LRP2: variants seen among roughly 807,000 people sequenced by gnomAD.
LRP2 encodes LDL receptor related protein 2.
A neutral mutation model predicts 531.0 loss-of-function variants in LRP2; 172 were observed. The ratio of observed to expected loss-of-function variants is 0.32; its 90% CI spans 0.29 to 0.37. The LOEUF (loss-of-function observed/expected upper bound fraction) is 0.37. LRP2 is among the 10% of genes least tolerant of loss of function. The pLI, the probability that LRP2 is intolerant of heterozygous loss-of-function variation, is 1.00. For synonymous variants in LRP2, 1,992 were observed against 2,027.6 expected (o/e 0.98, Z 0.47); for missense variants, 5,167 against 5,868.3 (o/e 0.88, Z 3.90).
intron 76 of LRP2, among the ~76,000 whole-genome samples, chr2:169,135,364 G>C (rs1685462763): frequency 6.6e-6 from 1 of 152,152 alleles, no homozygotes; most frequent in African/African-American, 2.4e-5. Flanking sequence ...CTTGGTCTGG[G>C]TAGACACTTT....
At chr2:169,345,377 G>C (rs1202019394) in intron 1 of LRP2, among the ~76,000 whole-genome samples, 1 of 152,136 alleles carries the variant, frequency 6.6e-6, no homozygotes, top group African/African-American at 2.4e-5. Context: ...GTGTCATTTT[G>C]AATTACTTCA....
At chr2:169,213,589 T>C in intron 36 of LRP2, 68 bp downstream of exon 36, 2 of 1,275,472 alleles carry the variant, frequency 1.6e-6, no homozygotes, top group Non-Finnish European at 1.1e-6. Flanking sequence ...GGTGTGTGCT[T>C]ACAAATGTGA....
At chr2:169,335,530 G>T (rs890526109) in intron 1 of LRP2, among the ~76,000 whole-genome samples, 1 of 152,196 alleles carries the variant, frequency 6.6e-6, no homozygotes, top group Non-Finnish European at 1.5e-5. Context: ...CATTCAAAAA[G>T]TTTGGCCAGC....
chr2:169,199,960 A>T (rs1056619243), intron 44 of LRP2, among the ~76,000 whole-genome samples: 5 of 152,146 alleles, frequency 3.3e-5, no homozygotes, highest in African/African-American at 9.7e-5. Context: ...ATCAATAAAA[A>T]TTTTTTCTGG....
intron 42 of LRP2, among the ~76,000 whole-genome samples, chr2:169,203,655 G>C: frequency 6.6e-6 from 1 of 152,202 alleles, no homozygotes; most frequent in East Asian, 1.9e-4. Flanking sequence ...TACTAGGGAG[G>C]CTGAAGCAGG....
intron 9 of LRP2, among the ~76,000 whole-genome samples, chr2:169,285,006 G>T (rs1683814889): frequency 6.6e-6 from 1 of 152,082 alleles, no homozygotes; most frequent in South Asian, 2.1e-4. Flanking sequence ...ACTACAAGTG[G>T]TTTAAAGATT....
intron 16 of LRP2, among the ~76,000 whole-genome samples, chr2:169,260,767 G>A (rs990028137): frequency 3.3e-5 from 5 of 151,818 alleles, no homozygotes; most frequent in Non-Finnish European, 7.4e-5. Flanking sequence ...TCAAAGGCAG[G>A]AAAGGTGTGA....
At chr2:169,308,124 G>C (rs1348924596) in intron 3 of LRP2, among the ~76,000 whole-genome samples, 2 of 151,966 alleles carry the variant, frequency 1.3e-5, no homozygotes, top group African/African-American at 4.8e-5. Context: ...AGAGCTTTGG[G>C]GGAAAACGTG....
intron 34 of LRP2, among the ~76,000 whole-genome samples, chr2:169,218,441 C>T (rs1351442263): frequency 1.3e-5 from 2 of 152,082 alleles, no homozygotes; most frequent in Non-Finnish European, 2.9e-5. Flanking sequence ...TTTTTTTAGC[C>T]TCTCTTGTGG....
At chr2:169,290,268 T>G (rs1683965883) in intron 8 of LRP2, among the ~76,000 whole-genome samples, 1 of 63,534 alleles carries the variant, frequency 1.6e-5, no homozygotes, top group Admixed American at 1.5e-4. Context: ...CAGAAGCTTT[T>G]TTTTTTTTTT....
intron 3 of LRP2, among the ~76,000 whole-genome samples, chr2:169,311,338 A>T (rs971101816): frequency 3.4e-4 from 52 of 152,280 alleles, no homozygotes; most frequent in African/African-American, 1.2e-3. Context: ...GTGGGCATTT[A>T]GTGCTATAAA....
At position 169,127,361 on chromosome 2, in the gene LRP2, T is replaced by C. The variant is rs1407481770; in HGVS notation, c.*1302A>G. The C allele has an allele frequency of 6.6e-6, 1 of 152,126 alleles. No homozygotes were observed. Among genetic ancestry groups the C allele is most frequent in the Non-Finnish European group, 1.5e-5 (1 of 68,008 alleles). The allele number at this position is 152,126 out of a possible 1,614,324, so 9.4% of individuals were successfully genotyped here. On this transcript the variant is annotated 3_prime_UTR_variant, in exon 79 of 79. Transcript: ENST00000649046. The stretch of plus-strand genomic sequence containing the variant: ...CTATTTGCTATGGGAAAGTGTATAT[T>C]CCTGCCATGGTTCCTGTTGTGCAGA...
At chr2:169,233,229 C>T (rs1199655197) in intron 30 of LRP2, among the ~76,000 whole-genome samples, 182 bp downstream of exon 30, 4 of 152,058 alleles carry the variant, frequency 2.6e-5, no homozygotes, top group Admixed American at 2.6e-4. Context: ...TTGAAATTTC[C>T]ATGGTAAATA....
At chr2:169,292,223 T>C (rs778674133) in intron 7 of LRP2, 30 bp downstream of exon 7, 6 of 1,480,034 alleles carry the variant, frequency 4.1e-6, no homozygotes, top group Non-Finnish European at 3.8e-6. Context: ...AAGAAAATGC[T>C]TTTCAGTAGG....
chr2:169,189,952 A>T (rs1389810839), intron 48 of LRP2, among the ~76,000 whole-genome samples: 1 of 152,200 alleles, frequency 6.6e-6, no homozygotes, highest in African/African-American at 2.4e-5. Context: ...GTGCTGTGAG[A>T]TCATAGTAAT....
intron 1 of LRP2, among the ~76,000 whole-genome samples, chr2:169,325,185 G>A (rs533117753): frequency 3.3e-5 from 5 of 152,146 alleles, no homozygotes; most frequent in African/African-American, 1.2e-4. Flanking sequence ...AAGACAAGTG[G>A]TAGTCAATGG....
At chr2:169,214,571 G>A (rs2105345020) in intron 35 of LRP2, among the ~76,000 whole-genome samples, 1 of 152,328 alleles carries the variant, frequency 6.6e-6, no homozygotes, top group Non-Finnish European at 1.5e-5. Context: ...TGCCATGGCT[G>A]AAAAGGGAGC....
chr2:169,275,380 T>A, intron 13 of LRP2, 142 bp from the exon 14 acceptor site: 1 of 699,698 alleles, frequency 1.4e-6, no homozygotes, highest in Non-Finnish European at 2.5e-6. Context: ...AGATACATTT[T>A]AGATGTATAC....
chr2:169,180,703 C>G (rs1042982854), intron 52 of LRP2, among the ~76,000 whole-genome samples: 1 of 152,182 alleles, frequency 6.6e-6, no homozygotes, highest in African/African-American at 2.4e-5. Flanking sequence ...AATAGTTCTA[C>G]TGAATGAATG....
Sources: allele counts gnomAD v4.1 joint callset (sites outside exome capture counted in the v4.1 genomes callset), GRCh38; gene constraint gnomAD v4.1.1; transcripts MANE v1.5; gene names NCBI Gene and HGNC (gene_info 2026-07-23, HGNC 2026-07-21).